Variants in GFRAL observed in about 807,000 individuals in gnomAD.
GFRAL encodes the protein GDNF family receptor alpha like, also known as GDNF family receptor alpha-like.
A neutral mutation model predicts 45.4 loss-of-function variants in GFRAL; 36 were observed. The ratio of observed to expected loss-of-function variants is 0.79; its 90% CI spans 0.61 to 1.05. The LOEUF (loss-of-function observed/expected upper bound fraction) is 1.05, where lower values mean the gene tolerates loss of function less well. Ranked by LOEUF, GFRAL falls within the 50% of genes least tolerant of loss-of-function variation. GFRAL has a pLI of 0.00. For synonymous variants in GFRAL, 166 were observed against 154.1 expected (o/e 1.08, Z -0.57); for missense variants, 507 against 467.5 (o/e 1.08, Z -0.78).
At chr6:55,352,490 A>T (rs1242028099) in intron 5 of GFRAL, among the ~76,000 whole-genome samples, 2 of 152,154 alleles carry the variant, frequency 1.3e-5, no homozygotes, top group African/African-American at 4.8e-5. Context: ...CGACAGCAAG[A>T]TGGTGTCAGG....
intron 6 of GFRAL, among the ~76,000 whole-genome samples, chr6:55,372,241 GC>G (rs1392746480): frequency 6.6e-6 from 1 of 152,142 alleles, no homozygotes; most frequent in African/African-American, 2.4e-5. Flanking sequence ...TCAAGACTCA[GC>G]TGTAGATTCT....
intron 6 of GFRAL, among the ~76,000 whole-genome samples, chr6:55,395,325 G>T (rs116349245): frequency 6.6e-6 from 1 of 151,450 alleles, no homozygotes; most frequent in Admixed American, 6.6e-5. Context: ...TTCATTGAAA[G>T]TATTCCATAC....
At chr6:55,335,829 A>G (rs1767883048) in intron 3 of GFRAL, among the ~76,000 whole-genome samples, 1 of 152,204 alleles carries the variant, frequency 6.6e-6, no homozygotes, top group Non-Finnish European at 1.5e-5. Context: ...GAAAGTCTTG[A>G]AATCAAGTAG....
At chr6:55,370,697 A>G (rs2127360552) in intron 6 of GFRAL, among the ~76,000 whole-genome samples, 1 of 152,334 alleles carries the variant, frequency 6.6e-6, no homozygotes, top group Non-Finnish European at 1.5e-5. Flanking sequence ...CACATTATAT[A>G]ATGGCAGGAC....
At chr6:55,334,085 G>A in intron 3 of GFRAL, 141 bp downstream of exon 3, 1 of 596,500 alleles carries the variant, frequency 1.7e-6, no homozygotes, top group Non-Finnish European at 2.7e-6. Flanking sequence ...TAAAAATTTT[G>A]TTGGTATATA....
intron 3 of GFRAL, among the ~76,000 whole-genome samples, chr6:55,344,649 C>G (rs1176824728): frequency 6.6e-6 from 1 of 152,188 alleles, no homozygotes; most frequent in Non-Finnish European, 1.5e-5. Flanking sequence ...GATGCCCTCT[C>G]TCACCACTCC....
At chr6:55,382,029 C>A (rs1376761197) in intron 6 of GFRAL, among the ~76,000 whole-genome samples, 2 of 151,878 alleles carry the variant, frequency 1.3e-5, no homozygotes, top group Non-Finnish European at 2.9e-5. Context: ...AACTCTAATT[C>A]AAGTCTAGTT....
At chr6:55,352,338 A>G (rs1768129077) in intron 5 of GFRAL, among the ~76,000 whole-genome samples, 1 of 152,128 alleles carries the variant, frequency 6.6e-6, no homozygotes, top group Non-Finnish European at 1.5e-5. Context: ...GAAAAGGGAT[A>G]GAGAAAAGGG....
rs754465875 is a variant in GFRAL, at chr6:55,399,146, T to C, written c.953-34T>C. ...CATAAAATTAAAATAATGTATGATA[T>C]GTAACTAATCTCATTTTTATGATTT... On this transcript the variant is annotated intron_variant, in intron 6 of 8. Coordinates refer to ENST00000340465, the MANE Select transcript of GFRAL (RefSeq NM_207410.2). The C allele has an allele frequency of 1.5e-5, 17 of 1,138,404 alleles. No homozygotes were observed. The South Asian group carries it at 1.6e-4, about 11-fold the overall frequency. The allele number at this position is 1,138,404 out of a possible 1,614,324, so 70.5% of individuals were successfully genotyped here.
At chr6:55,397,104 T>C (rs890870994) in intron 6 of GFRAL, among the ~76,000 whole-genome samples, 2 of 152,276 alleles carry the variant, frequency 1.3e-5, no homozygotes, top group African/African-American at 4.8e-5. Context: ...TTCAAACTCC[T>C]GGGCTCAAGT....
At chr6:55,361,962 ACAGTAAGT>A (rs1169296785) in intron 6 of GFRAL, among the ~76,000 whole-genome samples, 2 of 152,070 alleles carry the variant, frequency 1.3e-5, no homozygotes, top group Non-Finnish European at 2.9e-5. Flanking sequence ...AGCTTAGGCC[ACAGTAAGT>A]AATATATGTT....
intron 6 of GFRAL, among the ~76,000 whole-genome samples, chr6:55,395,664 C>T (rs557832681): frequency 6.6e-6 from 1 of 151,604 alleles, no homozygotes; most frequent in South Asian, 2.1e-4. Context: ...ATTTCTAAAT[C>T]ATTACTTTGT....
chr6:55,387,934 T>G lies in GFRAL; in HGVS notation c.953-11246T>G, dbSNP rs142208111. 5.3e-5 allele frequency among the ~76,000 whole-genome samples: 8 copies of G among 152,280 alleles called. No individual in the cohort carries two copies. In the East Asian group the frequency reaches 1.5e-3, roughly 29 times the overall value. On this transcript the variant is annotated intron_variant, in intron 6 of 8. Coordinates refer to ENST00000340465, the MANE Select transcript of GFRAL (RefSeq NM_207410.2). The stretch of plus-strand genomic sequence containing the variant: ...TAGGGTATGTTGTACAAATCATTAG[T>G]AAACAAATTAGTTCTCAAACTAGAT...
intron 5 of GFRAL, among the ~76,000 whole-genome samples, chr6:55,357,342 T>A (rs1434056952): frequency 6.6e-6 from 1 of 151,922 alleles, no homozygotes; most frequent in Non-Finnish European, 1.5e-5. Context: ...GTCTAGGTAC[T>A]GCAGTGTTGG....
intron 5 of GFRAL, among the ~76,000 whole-genome samples, chr6:55,354,974 A>C (rs1768167905): frequency 6.6e-6 from 1 of 151,950 alleles, no homozygotes; most frequent in Non-Finnish European, 1.5e-5. Flanking sequence ...ATTTCACAAA[A>C]GTCTGGGTAT....
chr6:55,356,362 T>G (rs185283222), intron 5 of GFRAL, among the ~76,000 whole-genome samples: 1 of 152,054 alleles, frequency 6.6e-6, no homozygotes, highest in East Asian at 1.9e-4. Context: ...CTGGGAGACT[T>G]TCTATTATAG....
At chr6:55,385,259 A>G (rs1030925371) in intron 6 of GFRAL, among the ~76,000 whole-genome samples, 2 of 152,080 alleles carry the variant, frequency 1.3e-5, no homozygotes, top group African/African-American at 4.8e-5. Flanking sequence ...TTATCTCCAC[A>G]TTGTAAAATG....
At chr6:55,389,265 G>T (rs1017818747) in intron 6 of GFRAL, among the ~76,000 whole-genome samples, 2 of 151,880 alleles carry the variant, frequency 1.3e-5, no homozygotes, top group Non-Finnish European at 2.9e-5. Context: ...TCTTCAAAAG[G>T]TCCCAGCCAG....
intron 6 of GFRAL, among the ~76,000 whole-genome samples, chr6:55,369,610 T>C (rs963074443): frequency 1.3e-5 from 2 of 152,348 alleles, no homozygotes; most frequent in South Asian, 4.1e-4. Flanking sequence ...ATTGCACGTA[T>C]GTACTGGCAT....
Sources: gnomAD v4.1 joint callset for allele counts (sites outside exome capture counted in the v4.1 genomes callset) on GRCh38, gnomAD v4.1.1 for gene constraint, MANE v1.5 for transcripts, NCBI Gene and HGNC (gene_info 2026-07-23, HGNC 2026-07-21) for gene names.